CPNE8: variants seen among roughly 807,000 people sequenced by gnomAD.
CPNE8 encodes copine 8, also known as copine-8.
In CPNE8, 45 loss-of-function variants were observed where a neutral mutation model predicts 81.5. The ratio of observed to expected loss-of-function variants is 0.55; its 90% CI spans 0.44 to 0.71. The LOEUF is 0.71. Among genes scored for constraint, CPNE8 ranks in the 30% least tolerant of loss-of-function variants. The pLI, the probability that CPNE8 is intolerant of heterozygous loss-of-function variation, is 0.00. For missense variants in CPNE8, 594 were observed against 672.1 expected (o/e 0.88, Z 1.28); for synonymous variants, 252 against 226.3 (o/e 1.11, Z -1.02).
At chr12:38,834,338 GC>G (rs1943347290) in intron 5 of CPNE8, among the ~76,000 whole-genome samples, 1 of 151,944 alleles carries the variant, frequency 6.6e-6, no homozygotes, top group South Asian at 2.1e-4. Flanking sequence ...CATGAACTTG[GC>G]CTTACCATGG....
At chr12:38,833,655 T>C (rs945042080) in intron 5 of CPNE8, among the ~76,000 whole-genome samples, 4 of 151,830 alleles carry the variant, frequency 2.6e-5, no homozygotes, top group Admixed American at 2.6e-4. Flanking sequence ...ATTTTTTGTA[T>C]TTTTAGTAGA....
At chr12:38,879,320 T>G (rs571103320) in intron 1 of CPNE8, among the ~76,000 whole-genome samples, 1 of 139,652 alleles carries the variant, frequency 7.2e-6, no homozygotes, top group East Asian at 2.0e-4. Context: ...CTGTTTCCCC[T>G]TTTTTTTTTC....
intron 17 of CPNE8, among the ~76,000 whole-genome samples, chr12:38,677,042 T>G (rs937175556): frequency 1.3e-5 from 2 of 152,148 alleles, no homozygotes; most frequent in Non-Finnish European, 2.9e-5. Flanking sequence ...GGATGGTTTT[T>G]TAATCAATCA....
chr12:38,800,074 T>G, intron 6 of CPNE8, among the ~76,000 whole-genome samples: 1 of 128,202 alleles, frequency 7.8e-6, no homozygotes. Flanking sequence ...GCAACGAGGC[T>G]GGGGGAGGGG....
At chr12:38,794,612 A>G (rs942919878) in intron 6 of CPNE8, among the ~76,000 whole-genome samples, 5 of 151,804 alleles carry the variant, frequency 3.3e-5, no homozygotes, top group African/African-American at 1.2e-4. Context: ...ATCACCTCAT[A>G]GCCATGAGGA....
intron 6 of CPNE8, among the ~76,000 whole-genome samples, chr12:38,780,114 T>A (rs1374390492): frequency 1.3e-5 from 2 of 152,102 alleles, no homozygotes; most frequent in Non-Finnish European, 2.9e-5. Context: ...GGGTCCAATT[T>A]AATTCTTTTG....
In CPNE8 at chr12:38,707,567, A is replaced by T. The variant is rs61939867; in HGVS notation, c.915-4646T>A. ...AAGCCTAAGTATAAAAGGTGGATGC[A>T]TTCATTTAGCACTAAATGATAAATA... On this transcript the variant is annotated intron_variant, in intron 13 of 19. Coordinates refer to ENST00000331366, the MANE Select transcript of CPNE8 (RefSeq NM_153634.3). 4.9e-3 allele frequency among the ~76,000 whole-genome samples: 742 copies of T among 152,282 alleles called. 3 individuals carry two copies. The highest frequency in any genetic ancestry group is 0.02 in the Middle Eastern group (6 of 294).
At chr12:38,697,777 G>C (rs1299947365) in intron 14 of CPNE8, among the ~76,000 whole-genome samples, 2 of 151,944 alleles carry the variant, frequency 1.3e-5, no homozygotes, top group Non-Finnish European at 2.9e-5. Context: ...CGTGAGAGGT[G>C]GTTGCTAAAA....
chr12:38,833,308 T>C (rs547154269), intron 5 of CPNE8, among the ~76,000 whole-genome samples: 8 of 134,966 alleles, frequency 5.9e-5, no homozygotes, highest in African/African-American at 2.3e-4. Flanking sequence ...GCTGAGATCG[T>C]GGCACTGTAC....
At position 38,653,690 on chromosome 12, in the gene CPNE8, T is replaced by G; in HGVS notation, c.*192A>C. ...TCAAGCATTTAAACAATTTTTTCTG[T>G]TGCTCATGCAACAACCATATTTACA... On this transcript the variant is annotated 3_prime_UTR_variant, in exon 20 of 20. Transcript: ENST00000331366. The G allele has an allele frequency of 3.2e-6, 2 of 615,408 alleles. No individual in the cohort carries two copies. Among genetic ancestry groups the G allele is most frequent in the Non-Finnish European group, 4.7e-6 (2 of 424,618 alleles). 38.1% of individuals were successfully genotyped at this position (615,408 alleles called of 1,614,324 possible). A position where few individuals can be genotyped will look rare whatever the true frequency, so the allele number is the denominator to read the frequency against.
At chr12:38,904,767 C>T (rs1426387586) in intron 1 of CPNE8, among the ~76,000 whole-genome samples, 1 of 152,160 alleles carries the variant, frequency 6.6e-6, no homozygotes, top group African/African-American at 2.4e-5. Flanking sequence ...TACTGAGCCA[C>T]TGCGCCCGGC....
At chr12:38,877,534 T>C (rs1565659016) in intron 1 of CPNE8, among the ~76,000 whole-genome samples, 2 of 152,000 alleles carry the variant, frequency 1.3e-5, no homozygotes, top group Non-Finnish European at 2.9e-5. Flanking sequence ...ATTCTGCAAA[T>C]CTAGATGTAG....
At chr12:38,905,691 G>A, upstream of CPNE8, 1 of 1,459,258 alleles carries the variant, frequency 6.9e-7, no homozygotes, top group Non-Finnish European at 9.1e-7. Context: ...GGAGGAGGCG[G>A]ACCTCCGCGC....
chr12:38,905,622 G>T, upstream of CPNE8: 1 of 1,519,276 alleles, frequency 6.6e-7, no homozygotes. Context: ...CGGGGATGGG[G>T]GTTGAGGGTG....
intron 1 of CPNE8, 56 bp from the exon 2 acceptor site, chr12:38,874,567 A>T: frequency 9.2e-7 from 1 of 1,085,472 alleles, no homozygotes; most frequent in Non-Finnish European, 1.4e-6. Flanking sequence ...ATTTATATTT[A>T]TATAGACATA....
chr12:38,830,123 T>C (rs1416737909), intron 5 of CPNE8, among the ~76,000 whole-genome samples: 6 of 152,080 alleles, frequency 3.9e-5, no homozygotes, highest in Admixed American at 3.3e-4. Flanking sequence ...CATACAACCG[T>C]ATGATTCTTA....
In CPNE8 at chr12:38,721,735, G is replaced by A. The variant is rs189057119; in HGVS notation, c.914+2037C>T. Among the ~76,000 whole-genome samples the A allele has an allele frequency of 1.3e-3, 194 of 152,328 alleles. 1 individual carries two copies. Among genetic ancestry groups the A allele is most frequent in the African/African-American group, 4.4e-3 (182 of 41,580 alleles). On this transcript the variant is annotated intron_variant, in intron 13 of 19. Transcript: ENST00000331366. Reference sequence around the variant, plus strand: ...CCAGACCTGGGAGCTCCCTGAGCCAGGGATGTGACTTCCTTTTTGGTGTCC... The same window carrying A: ...CCAGACCTGGGAGCTCCCTGAGCCAAGGATGTGACTTCCTTTTTGGTGTCC...
chr12:38,702,991 G>A (rs1007341681), intron 13 of CPNE8, 70 bp from the exon 14 acceptor site: 26 of 1,107,082 alleles, frequency 2.3e-5, no homozygotes, highest in Admixed American at 9.2e-5. Context: ...TTTCCATTTC[G>A]GTTATATTTT....
At chr12:38,663,725 G>A (rs1939007045) in intron 19 of CPNE8, among the ~76,000 whole-genome samples, 1 of 152,080 alleles carries the variant, frequency 6.6e-6, no homozygotes, top group Admixed American at 6.5e-5. Context: ...ATTGACCTAA[G>A]TCCATTCATT....
Sources: gnomAD v4.1 joint callset for allele counts (sites outside exome capture counted in the v4.1 genomes callset) on GRCh38, gnomAD v4.1.1 for gene constraint, MANE v1.5 for transcripts, NCBI Gene and HGNC (gene_info 2026-07-23, HGNC 2026-07-21) for gene names.